WASF2: variants seen among roughly 807,000 people sequenced by gnomAD.
WASF2 encodes WASP family member 2.
In WASF2, 14 loss-of-function variants were observed where a neutral mutation model predicts 45.0. That is an observed-to-expected ratio of 0.31 (90% confidence interval 0.21 to 0.49). The LOEUF (loss-of-function observed/expected upper bound fraction) is 0.49, where lower values mean the gene tolerates loss of function less well. Among genes scored for constraint, WASF2 ranks in the 20% least tolerant of loss-of-function variants. WASF2 has a pLI of 0.99. For synonymous variants in WASF2, 200 were observed against 236.3 expected (o/e 0.85, Z 1.41); for missense variants, 439 against 636.1 (o/e 0.69, Z 3.33).
At chr1:27,417,548 A>C (rs1005317564) in intron 4 of WASF2, among the ~76,000 whole-genome samples, 1 of 152,172 alleles carries the variant, frequency 6.6e-6, no homozygotes, top group African/African-American at 2.4e-5. Flanking sequence ...TACCTGCTCC[A>C]AAGATATATA....
chr1:27,412,814 G>A, intron 6 of WASF2, 87 bp from the exon 7 acceptor site: 4 of 1,498,990 alleles, frequency 2.7e-6, no homozygotes, highest in South Asian at 1.1e-5. Flanking sequence ...AAATGCATTT[G>A]ATACAAAAGC....
chr1:27,436,393 G>A (rs1025487045), intron 1 of WASF2, among the ~76,000 whole-genome samples: 8 of 152,126 alleles, frequency 5.3e-5, no homozygotes, highest in African/African-American at 1.4e-4. Context: ...GTTGCAGAGA[G>A]CTACGATCAC....
At chr1:27,476,890 T>C (rs1344392040) in intron 1 of WASF2, among the ~76,000 whole-genome samples, 1 of 152,200 alleles carries the variant, frequency 6.6e-6, no homozygotes, top group Non-Finnish European at 1.5e-5. Context: ...ACAGCTTCCA[T>C]GTAGACAAAA....
chr1:27,461,980 T>G (rs1461588928), intron 1 of WASF2, among the ~76,000 whole-genome samples: 1 of 142,860 alleles, frequency 7.0e-6, no homozygotes, highest in Non-Finnish European at 1.5e-5. Context: ...TTTTATTACT[T>G]TTTTTTTTTT....
At chr1:27,409,643 C>A in intron 8 of WASF2, 49 bp downstream of exon 8, 1 of 1,411,110 alleles carries the variant, frequency 7.1e-7, no homozygotes, top group Non-Finnish European at 9.3e-7. Flanking sequence ...GTCATCCCAG[C>A]TTCAGAAAGA....
At chr1:27,484,365 T>A (rs918758478) in intron 1 of WASF2, among the ~76,000 whole-genome samples, 7 of 152,178 alleles carry the variant, frequency 4.6e-5, no homozygotes, top group African/African-American at 1.7e-4. Context: ...AAGTTTCTCA[T>A]ATAGCATACA....
At chr1:27,420,967 G>A (rs1452455199) in intron 2 of WASF2, among the ~76,000 whole-genome samples, 1 of 152,158 alleles carries the variant, frequency 6.6e-6, no homozygotes, top group Non-Finnish European at 1.5e-5. Flanking sequence ...ATTTGAGGGG[G>A]AAAAAATAGC....
chr1:27,428,620 G>A, intron 2 of WASF2, 141 bp downstream of exon 2: 1 of 1,249,112 alleles, frequency 8.0e-7, no homozygotes, highest in Non-Finnish European at 1.1e-6. Flanking sequence ...GCCTCTCTTT[G>A]GGGAGGAGAG....
At position 27,470,201 on chromosome 1, in the gene WASF2, G is replaced by T. The variant is rs538737359; in HGVS notation, c.-44+19785C>A. Among the ~76,000 whole-genome samples the T allele has an allele frequency of 3.3e-5, 5 of 152,372 alleles. No homozygotes were observed. The South Asian group carries it at 8.3e-4, about 25-fold the overall frequency. On this transcript the variant is annotated intron_variant, in intron 1 of 8. Transcript: ENST00000618852. ...CTGTAGTGGGAAACAGAGCTGGAAA[G>T]ACAAGTAGGGGCTAGACCACAGAAT...
In WASF2 at chr1:27,484,598, G is replaced by A. The variant is rs1034593147; in HGVS notation, c.-44+5388C>T. ...CGAGGTGGGTGGATCATGAGGTCAG[G>A]AAATCAAGACCATCCTGGCTAACAA... On this transcript the variant is annotated intron_variant, in intron 1 of 8. Coordinates refer to ENST00000618852, the MANE Select transcript of WASF2 (RefSeq NM_006990.5). 4.6e-5 allele frequency among the ~76,000 whole-genome samples: 7 copies of A among 151,772 alleles called. No homozygotes were observed. The South Asian group carries it at 6.2e-4, about 14-fold the overall frequency.
chr1:27,472,645 G>A (rs1382809905), intron 1 of WASF2, among the ~76,000 whole-genome samples: 6 of 97,714 alleles, frequency 6.1e-5, no homozygotes, highest in Admixed American at 2.6e-4. Flanking sequence ...GTGAAACCCC[G>A]TCTCCAAAAA....
At chr1:27,443,134 A>G (rs1049811783) in intron 1 of WASF2, among the ~76,000 whole-genome samples, 13 of 151,520 alleles carry the variant, frequency 8.6e-5, no homozygotes, top group Non-Finnish European at 1.5e-4. Flanking sequence ...ACTGCACTCC[A>G]GCCTGGGCAA....
At chr1:27,409,452 A>T (rs12745870) in intron 8 of WASF2, among the ~76,000 whole-genome samples, 1 of 146,270 alleles carries the variant, frequency 6.8e-6, no homozygotes, top group African/African-American at 2.7e-5. Flanking sequence ...AAAAAAAAAA[A>T]AAAAGAAAAG....
chr1:27,461,978 CTT>C (rs373306411), intron 1 of WASF2, among the ~76,000 whole-genome samples: 23 of 132,798 alleles, frequency 1.7e-4, no homozygotes, highest in Admixed American at 1.5e-4. Flanking sequence ...TATTTTATTA[CTT>C]TTTTTTTTTT....
At chr1:27,417,450 C>T (rs911094065) in intron 4 of WASF2, among the ~76,000 whole-genome samples, 3 of 152,072 alleles carry the variant, frequency 2.0e-5, no homozygotes, top group Admixed American at 6.5e-5. Context: ...TTGAATTTCA[C>T]GTGGGTACAC....
intron 3 of WASF2, 109 bp downstream of exon 3, chr1:27,418,845 T>G (rs2016861891): frequency 7.5e-7 from 1 of 1,340,378 alleles, no homozygotes; most frequent in Non-Finnish European, 1.0e-6. Context: ...ACTCTATAGG[T>G]CTCTGTGATT....
At chr1:27,459,171 G>T (rs2148130169) in intron 1 of WASF2, 1 of 151,872 alleles carries the variant, frequency 6.6e-6, no homozygotes, top group South Asian at 2.1e-4. Flanking sequence ...TGAATTTTTT[G>T]TTGTTGTTGA....
At chr1:27,489,252 GCACACACACACACACACACACA>G (rs60315426) in intron 1 of WASF2, among the ~76,000 whole-genome samples, 9 of 80,258 alleles carry the variant, frequency 1.1e-4, no homozygotes, top group Admixed American at 2.3e-4. Flanking sequence ...CTGTACGCGC[GCACACACACACACACACACACA>G]CACACACACA....
At chr1:27,441,347 G>C (rs183638347) in intron 1 of WASF2, among the ~76,000 whole-genome samples, 123 of 151,994 alleles carry the variant, frequency 8.1e-4, no homozygotes, top group Admixed American at 2.0e-3. Context: ...GAAAAACGTG[G>C]CTGGGCGTGG....
Sources: gnomAD v4.1 joint callset for allele counts (sites outside exome capture counted in the v4.1 genomes callset) on GRCh38, gnomAD v4.1.1 for gene constraint, MANE v1.5 for transcripts, NCBI Gene and HGNC (gene_info 2026-07-23, HGNC 2026-07-21) for gene names.